Variants in DLGAP1 observed in about 807,000 individuals in gnomAD.
DLGAP1 encodes disks large-associated protein 1.
A neutral mutation model predicts 90.8 loss-of-function variants in DLGAP1; 11 were observed. The ratio of observed to expected loss-of-function variants is 0.12; its 90% CI spans 0.08 to 0.20. The LOEUF is 0.20. DLGAP1 is among the 10% of genes least tolerant of loss of function. DLGAP1 has a pLI of 1.00. For missense variants in DLGAP1, 1,050 were observed against 1,333.8 expected (o/e 0.79, Z 3.31); for synonymous variants, 558 against 540.7 (o/e 1.03, Z -0.44).
chr18:3,705,688 T>G (rs1410456138), intron 7 of DLGAP1, among the ~76,000 whole-genome samples: 1 of 151,464 alleles, frequency 6.6e-6, no homozygotes, highest in Admixed American at 6.6e-5. Context: ...AGACAGAGTC[T>G]TGCTCTGTTG....
At chr18:3,596,962 G>A (rs1417942924) in intron 7 of DLGAP1, 5 of 519,932 alleles carry the variant, frequency 9.6e-6, no homozygotes, top group Non-Finnish European at 1.5e-5. Flanking sequence ...TCGTCCACCC[G>A]ATGTCCCCCA....
intron 2 of DLGAP1, among the ~76,000 whole-genome samples, chr18:4,056,389 C>T (rs114299222): frequency 2.6e-5 from 4 of 152,266 alleles, no homozygotes; most frequent in Admixed American, 1.3e-4. Flanking sequence ...GGGGAAAACA[C>T]AAAACTTGAC....
chr18:3,566,048 TA>T (rs1197919577), intron 9 of DLGAP1, among the ~76,000 whole-genome samples: 1 of 152,186 alleles, frequency 6.6e-6, no homozygotes, highest in East Asian at 1.9e-4. Flanking sequence ...TCCACCTTTT[TA>T]AATAAATGAT....
At chr18:3,577,266 G>A (rs2055212900) in intron 8 of DLGAP1, among the ~76,000 whole-genome samples, 1 of 152,114 alleles carries the variant, frequency 6.6e-6, no homozygotes, top group Admixed American at 6.6e-5. Flanking sequence ...GCTACCCCAG[G>A]CCTTTCTTCT....
At chr18:4,248,905 T>C (rs2078714011) in intron 1 of DLGAP1, among the ~76,000 whole-genome samples, 1 of 152,200 alleles carries the variant, frequency 6.6e-6, no homozygotes, top group Admixed American at 6.5e-5. Flanking sequence ...AGGGCACTGG[T>C]TCACATGCAG....
chr18:3,509,852 A>C (rs978213573), intron 10 of DLGAP1, among the ~76,000 whole-genome samples: 2 of 152,126 alleles, frequency 1.3e-5, no homozygotes, highest in Non-Finnish European at 2.9e-5. Flanking sequence ...TCTGATGCAC[A>C]TTCTACCTAG....
At position 3,517,984 on chromosome 18, in the gene DLGAP1, C is replaced by T. The variant is rs781312877; in HGVS notation, c.2480-9323G>A. Among the ~76,000 whole-genome samples, 15 of 152,202 alleles carry T rather than the reference C, an allele frequency of 9.9e-5. No individual in the cohort carries two copies. The highest frequency in any genetic ancestry group is 1.8e-4 in the Non-Finnish European group (12 of 68,038). Reference sequence around the variant, plus strand: ...CATTTGTATGTTCACTTGGGTAGCACTTTTCATTTCCTTCAAGAAGTTTTC... The same window carrying T: ...CATTTGTATGTTCACTTGGGTAGCATTTTTCATTTCCTTCAAGAAGTTTTC... On this transcript the variant is annotated intron_variant, in intron 10 of 12. Transcript: ENST00000315677. The surrounding 1 kb of genome is among the most constrained non-coding windows in gnomAD (Gnocchi z 4.1).
chr18:4,201,137 CT>C (rs2144807544), intron 1 of DLGAP1, among the ~76,000 whole-genome samples: 1 of 151,970 alleles, frequency 6.6e-6, no homozygotes, highest in South Asian at 2.1e-4. Context: ...TGTTCAGAAG[CT>C]TTTTAGTTTA....
chr18:3,527,445 C>T (rs1291791269), intron 10 of DLGAP1, among the ~76,000 whole-genome samples: 2 of 98,378 alleles, frequency 2.0e-5, no homozygotes, highest in Non-Finnish European at 1.9e-5. Flanking sequence ...CATGGATGCA[C>T]TGTATTTTGA....
At position 4,454,406 on chromosome 18, in the gene DLGAP1, T is replaced by TTCTCTCTA. The variant is rs112338095; in HGVS notation, c.-267+599_-267+600insTAGAGAGA. ...CAGTGACCTCCTCCTTGGACCCCAT[T>TTCTCTCTA]TCTCTCTCTCTCTCTCTCTCTGTGC... On this transcript the variant is annotated intron_variant, in intron 1 of 12. Coordinates refer to ENST00000315677, the MANE Select transcript of DLGAP1 (RefSeq NM_004746.4). The surrounding 1 kb of genome is among the most constrained non-coding windows in gnomAD (Gnocchi z 4.7). 2.0e-3 allele frequency among the ~76,000 whole-genome samples: 300 copies of TTCTCTCTA among 150,550 alleles called. 1 individual carries two copies. The highest frequency in any genetic ancestry group is 3.1e-3 in the Non-Finnish European group (210 of 67,454).
At chr18:3,774,272 G>C (rs571890679) in intron 5 of DLGAP1, 2 of 152,396 alleles carry the variant, frequency 1.3e-5, no homozygotes, top group Non-Finnish European at 2.9e-5. Flanking sequence ...TCTCGTTAGT[G>C]ACAAGGTAAT....
At chr18:4,053,639 C>T (rs56167335) in intron 2 of DLGAP1, among the ~76,000 whole-genome samples, 22,888 of 152,136 alleles carry the variant, frequency 0.15, 2,171 homozygotes, top group Non-Finnish European at 0.2. Context: ...TGCCTGCTTC[C>T]CCTTCACCTT....
At chr18:4,443,441 G>A (rs1363844211) in intron 1 of DLGAP1, among the ~76,000 whole-genome samples, 1 of 152,152 alleles carries the variant, frequency 6.6e-6, no homozygotes, top group Non-Finnish European at 1.5e-5. Context: ...GGGATGGCAT[G>A]TGTTCCTGGT....
At chr18:4,148,102 A>C (rs1237624955) in intron 2 of DLGAP1, among the ~76,000 whole-genome samples, 4 of 152,208 alleles carry the variant, frequency 2.6e-5, no homozygotes. Flanking sequence ...ACTAAAAGCC[A>C]TGGCTTCAGG....
At chr18:4,439,510 C>T (rs373541242) in intron 1 of DLGAP1, among the ~76,000 whole-genome samples, 9 of 152,132 alleles carry the variant, frequency 5.9e-5, no homozygotes, top group East Asian at 1.9e-4. Context: ...AAAGGGTGAT[C>T]AAGAGCAGCA....
rs60740209 is a variant in DLGAP1 at position 3,540,469 on chromosome 18, C to CAAAAA, written c.2058-5859_2058-5855dup. Among the ~76,000 whole-genome samples the CAAAAA allele has an allele frequency of 1.5e-3, 85 of 58,014 alleles. 1 individual carries two copies. The highest frequency in any genetic ancestry group is 5.3e-3 in the African/African-American group (78 of 14,806). The allele number at this position is 58,014 out of a possible 152,430, so 38.1% of individuals were successfully genotyped here. On this transcript the variant is annotated intron_variant, in intron 9 of 12. Coordinates refer to ENST00000315677, the MANE Select transcript of DLGAP1 (RefSeq NM_004746.4). ...TGGGCAACAGAGTGAGGCCCTGTGT[C>CAAAAA]AAAAAAAAAAAAAAAAAAAAAAAAA... is the stretch of plus-strand genomic sequence containing the variant.
At chr18:4,252,713 T>C (rs1212078764) in intron 1 of DLGAP1, among the ~76,000 whole-genome samples, 1 of 152,238 alleles carries the variant, frequency 6.6e-6, no homozygotes, top group African/African-American at 2.4e-5. Flanking sequence ...TAATAATTTT[T>C]GCAGAATTCA....
intron 7 of DLGAP1, among the ~76,000 whole-genome samples, chr18:3,585,291 C>A (rs77539154): frequency 0.034 from 5,224 of 152,286 alleles, 90 homozygotes; most frequent in Middle Eastern, 0.065. Flanking sequence ...TAGTTTCTTG[C>A]ATCCAAACCA....
chr18:3,581,860 A>C lies in DLGAP1; in HGVS notation c.1965+15T>G. On this transcript the variant is annotated intron_variant, in intron 8 of 12. Coordinates refer to ENST00000315677, the MANE Select transcript of DLGAP1 (RefSeq NM_004746.4). ...TTAAGTTCCTATTTCAAAGGATAGA[A>C]AGGGAGGCTGTTACCTGTATCCCGA... is the stretch of plus-strand genomic sequence containing the variant. The C allele has an allele frequency of 6.2e-7, 1 of 1,611,402 alleles. No homozygotes were observed.
Sources: allele counts gnomAD v4.1 joint callset (sites outside exome capture counted in the v4.1 genomes callset), GRCh38; gene constraint gnomAD v4.1.1; non-coding constraint Gnocchi (gnomAD v3.1); transcripts MANE v1.5; gene names NCBI Gene and HGNC (gene_info 2026-07-23, HGNC 2026-07-21).